The following RB1CC1 variants were observed in gnomAD, a reference collection of about 807,000 sequenced individuals.
RB1CC1 encodes RB1-inducible coiled-coil protein 1.
In RB1CC1, 46 loss-of-function variants were observed where a neutral mutation model predicts 177.5. That is an observed-to-expected ratio of 0.26 (90% confidence interval 0.20 to 0.33). The LOEUF (loss-of-function observed/expected upper bound fraction) is 0.33, where lower values mean the gene tolerates loss of function less well. RB1CC1 is among the 10% of genes least tolerant of loss of function. The pLI is 1.00. For missense variants in RB1CC1, 1,703 were observed against 1,816.3 expected, an observed-to-expected ratio of 0.94 and a Z score of 1.13; for synonymous variants, 666 against 613.6, an observed-to-expected ratio of 1.09 and a Z score of -1.26.
chr8:52,693,218 G>A (rs1295051805), intron 1 of RB1CC1, among the ~76,000 whole-genome samples: 3 of 152,084 alleles, frequency 2.0e-5, no homozygotes, highest in Non-Finnish European at 2.9e-5. Flanking sequence ...CACAGCAAAG[G>A]TTTCATGACA....
At chr8:52,653,140 ACT>A (rs1428518078) in intron 15 of RB1CC1, among the ~76,000 whole-genome samples, 1 of 152,234 alleles carries the variant, frequency 6.6e-6, no homozygotes, top group Non-Finnish European at 1.5e-5. Flanking sequence ...AGGCAGGTAT[ACT>A]GGAAGGGATT....
intron 15 of RB1CC1, among the ~76,000 whole-genome samples, chr8:52,654,337 T>C (rs1413564885): frequency 6.6e-6 from 1 of 152,218 alleles, no homozygotes; most frequent in Non-Finnish European, 1.5e-5. Flanking sequence ...ATCCCAGGTA[T>C]AGCTTCCAGT....
Position 52,628,299 on chromosome 8 carries a change from T to G in RB1CC1, c.4500-131A>C, listed in dbSNP as rs1022769204. On this transcript the variant is annotated intron_variant, in intron 21 of 23. Transcript: ENST00000025008. ...TGCAATATTAAATTTCACATTTACA[T>G]GATACTCTTTTTGCATTCTGCCCAG... is the stretch of plus-strand genomic sequence containing the variant. 68 of 934,628 alleles carry G rather than the reference T, an allele frequency of 7.3e-5. 1 individual carries two copies. The highest frequency in any genetic ancestry group is 9.6e-5 in the Non-Finnish European group (61 of 632,644). The allele number at this position is 934,628 out of a possible 1,614,324, so 57.9% of individuals were successfully genotyped here.
chr8:52,685,461 T>C lies in RB1CC1; in HGVS notation c.9A>G (p.Leu3=), dbSNP rs369069488. MK[L]YVFLVNTGTT... is the part of the protein sequence containing the mutation. The stretch of plus-strand genomic sequence containing the variant: ...TTCCAGTGTTAACCAGAAATACATA[T>C]AACTTCATGATGATTTATCTGAATT... Residue 3 remains leucine (L), a synonymous_variant, in exon 3 of 24, where the codon TTA becomes TTG. Coordinates refer to ENST00000025008, the MANE Select transcript of RB1CC1 (RefSeq NM_014781.5). 410 of 1,587,606 alleles carry C rather than the reference T, an allele frequency of 2.6e-4. No homozygotes were observed. Among genetic ancestry groups the C allele is most frequent in the Non-Finnish European group, 3.3e-4 (380 of 1,159,886 alleles).
At position 52,680,682 on chromosome 8, in the gene RB1CC1, CTG is replaced by C. The variant is rs776429052; in HGVS notation, c.369+2865_369+2866del. On this transcript the variant is annotated intron_variant, in intron 5 of 23. Transcript: ENST00000025008. ...GTAGCAGAACAGATTTAAAAAAAAA[CTG>C]TGGCATATTCGTACAATAGAATACA... Among the ~76,000 whole-genome samples the C allele has an allele frequency of 5.5e-3, 831 of 152,222 alleles. 7 individuals carry two copies. The highest frequency in any genetic ancestry group is 0.019 in the African/African-American group (797 of 41,542).
In RB1CC1 at chr8:52,645,771, A is replaced by G; in HGVS notation, c.3918T>C (p.Leu1306=). 3.7e-6 allele frequency: 6 copies of G among 1,610,744 alleles called. No individual in the cohort carries two copies. The highest frequency in any genetic ancestry group is 5.1e-6 in the Non-Finnish European group (6 of 1,179,104). The change falls in exon 16 of 24, where the codon CTT becomes CTC. Residue 1306 remains leucine, a synonymous_variant. Coordinates refer to ENST00000025008, the MANE Select transcript of RB1CC1 (RefSeq NM_014781.5). ...QEEKAKFLEQ[L]EEQEKRKNEE... is the part of the protein sequence containing the mutation. The stretch of plus-strand genomic sequence containing the variant: ...CATTCTTTCTTTTTTCTTGCTCTTC[A>G]AGTTGTTCTAGAAACTTAGCTTTTT...
intron 18 of RB1CC1, among the ~76,000 whole-genome samples, chr8:52,641,925 G>A (rs1849620593): frequency 6.6e-6 from 1 of 152,022 alleles, no homozygotes; most frequent in South Asian, 2.1e-4. Context: ...CGATTTCAAT[G>A]TAATGCAGTA....
At chr8:52,638,043 G>T (rs1163069703) in intron 18 of RB1CC1, among the ~76,000 whole-genome samples, 1 of 152,118 alleles carries the variant, frequency 6.6e-6, no homozygotes, top group East Asian at 1.9e-4. Flanking sequence ...AGCAGCAGTG[G>T]CAAGAGCAGG....
intron 12 of RB1CC1, among the ~76,000 whole-genome samples, chr8:52,659,999 A>C (rs990151717): frequency 6.6e-5 from 10 of 152,218 alleles, no homozygotes. Flanking sequence ...TCTTGTCTCC[A>C]AAACAACAAC....
At chr8:52,660,335 C>T (rs1039402326) in intron 12 of RB1CC1, among the ~76,000 whole-genome samples, 1 of 152,030 alleles carries the variant, frequency 6.6e-6, no homozygotes, top group Non-Finnish European at 1.5e-5. Context: ...ACAAAAAAAC[C>T]AAGTGAATCT....
At chr8:52,677,334 G>A (rs750190626) in intron 5 of RB1CC1, among the ~76,000 whole-genome samples, 2 of 152,132 alleles carry the variant, frequency 1.3e-5, no homozygotes, top group Non-Finnish European at 2.9e-5. Flanking sequence ...GATAGGGAAA[G>A]AAGTACTTCA....
intron 3 of RB1CC1, among the ~76,000 whole-genome samples, chr8:52,684,641 C>T (rs1452520): frequency 0.68 from 103,211 of 152,012 alleles, 35,396 homozygotes; most frequent in East Asian, 0.83. Flanking sequence ...TTAAATTTAT[C>T]TTTTCTCTCC....
chr8:52,623,885 C>A, intron 23 of RB1CC1, 26 bp from the exon 24 acceptor site: 2 of 1,479,980 alleles, frequency 1.4e-6, no homozygotes, highest in South Asian at 1.1e-5. Context: ...AAAATGGAAT[C>A]ACTAGAGTGA....
chr8:52,691,136 A>G (rs538618215), intron 1 of RB1CC1, among the ~76,000 whole-genome samples: 3 of 152,294 alleles, frequency 2.0e-5, no homozygotes, highest in Non-Finnish European at 2.9e-5. Flanking sequence ...TTTAGCTGTA[A>G]TATCTATTTA....
intron 1 of RB1CC1, among the ~76,000 whole-genome samples, chr8:52,696,813 G>A (rs1176836425): frequency 6.6e-6 from 1 of 152,002 alleles, no homozygotes; most frequent in African/African-American, 2.4e-5. Context: ...GACCAGCCTG[G>A]GTAACATGGC....
intron 1 of RB1CC1, among the ~76,000 whole-genome samples, chr8:52,694,457 C>T (rs551506232): frequency 1.3e-5 from 2 of 152,180 alleles, no homozygotes; most frequent in African/African-American, 4.8e-5. Context: ...TGGCTCATCC[C>T]GGACAAACGG....
intron 1 of RB1CC1, among the ~76,000 whole-genome samples, chr8:52,699,706 C>G (rs1855820822): frequency 6.9e-6 from 1 of 145,768 alleles, no homozygotes; most frequent in Non-Finnish European, 1.5e-5. Context: ...GTAATCCCAG[C>G]TACCTGAGAG....
chr8:52,634,874 A>G, intron 20 of RB1CC1, 47 bp downstream of exon 20: 1 of 1,431,376 alleles, frequency 7.0e-7, no homozygotes, highest in Non-Finnish European at 9.7e-7. Context: ...TATAATGCAA[A>G]TCATTTAAAA....
chr8:52,696,848 C>T (rs145262582), intron 1 of RB1CC1, among the ~76,000 whole-genome samples: 1,815 of 151,970 alleles, frequency 0.012, 42 homozygotes, highest in African/African-American at 0.042. Context: ...ACAAAATATA[C>T]AAAAATTAGC....
Sources: gnomAD v4.1 joint callset for allele counts (sites outside exome capture counted in the v4.1 genomes callset) on GRCh38, gnomAD v4.1.1 for gene constraint, MANE v1.5 for transcripts, NCBI Gene and HGNC (gene_info 2026-07-23, HGNC 2026-07-21) for gene names.